Variants in RREB1 observed in about 807,000 individuals in gnomAD.
The protein encoded by RREB1 is ras responsive element binding protein 1, also known as ras-responsive element-binding protein 1.
RREB1 carries 27 observed loss-of-function variants against 117.8 expected under a neutral mutation model. The observed-to-expected ratio is 0.23, with a 90% confidence interval of 0.17 to 0.32. The LOEUF (loss-of-function observed/expected upper bound fraction) is 0.32. Among genes scored for constraint, RREB1 ranks in the 10% least tolerant of loss-of-function variants. The pLI, the probability that RREB1 is intolerant of heterozygous loss-of-function variation, is 1.00. For synonymous variants in RREB1, 1,298 were observed against 1,026.7 expected (o/e 1.26, Z -5.05); for missense variants, 2,577 against 2,378.2 (o/e 1.08, Z -1.74).
intron 1 of RREB1, among the ~76,000 whole-genome samples, chr6:7,109,135 C>T (rs979242561): frequency 6.6e-6 from 1 of 151,774 alleles, no homozygotes. Flanking sequence ...GGAGCGCGCT[C>T]GGAAACTTTT....
chr6:7,135,353 T>G (rs1762309894), intron 1 of RREB1, among the ~76,000 whole-genome samples: 1 of 152,230 alleles, frequency 6.6e-6, no homozygotes, highest in Non-Finnish European at 1.5e-5. Flanking sequence ...ATTAGGACCG[T>G]AAATCCAGGG....
At chr6:7,151,759 CTTG>C (rs148207966) in intron 1 of RREB1, among the ~76,000 whole-genome samples, 56 of 152,302 alleles carry the variant, frequency 3.7e-4, no homozygotes, top group Non-Finnish European at 6.2e-4. Context: ...CAGAGATCAT[CTTG>C]TTAAGTTCTC....
intron 1 of RREB1, among the ~76,000 whole-genome samples, chr6:7,166,857 A>T (rs936971455): frequency 6.6e-6 from 1 of 152,170 alleles, no homozygotes; most frequent in African/African-American, 2.4e-5. Flanking sequence ...TTCCCTGAGC[A>T]TGTCAGAAAG....
At chr6:7,129,770 C>CCTGGG (rs1490173750) in intron 1 of RREB1, among the ~76,000 whole-genome samples, 7 of 152,228 alleles carry the variant, frequency 4.6e-5, no homozygotes. Flanking sequence ...CAGCAGGGAA[C>CCTGGG]CTGGGTTCCA....
intron 5 of RREB1, among the ~76,000 whole-genome samples, chr6:7,188,314 G>A (rs1378071620): frequency 1.3e-5 from 2 of 151,726 alleles, no homozygotes; most frequent in Non-Finnish European, 2.9e-5. Context: ...ACAGTGGTGC[G>A]ATCTCAGCTC....
At chr6:7,211,463 C>G in intron 7 of RREB1, 110 bp from the exon 8 acceptor site, 1 of 985,108 alleles carries the variant, frequency 1.0e-6, no homozygotes, top group African/African-American at 1.6e-5. Flanking sequence ...TTGGATAATG[C>G]AACCCTTGCC....
In RREB1 at chr6:7,246,455, C is replaced by G. The variant is rs1178170826; in HGVS notation, c.4005C>G (p.Ala1335=). ...AGTCGGATGCGGAGACTGCAGCCGC[C>G]GCGGGCGAAGTGCTAGACCTCACCT... is the stretch of plus-strand genomic sequence containing the variant. ...DSQSDAETAA[A]AGEVLDLTSR... is the part of the protein sequence containing the mutation. The change falls in exon 12 of 13, where the codon GCC becomes GCG. Residue 1335 remains alanine (A), a synonymous_variant. Transcript: ENST00000379938. 4 of 1,508,418 alleles carry G rather than the reference C, an allele frequency of 2.7e-6. No individual in the cohort carries two copies. Among genetic ancestry groups the G allele is most frequent in the Non-Finnish European group, 3.6e-6 (4 of 1,124,208 alleles). The allele number at this position is 1,508,418 out of a possible 1,614,324, so 93.4% of individuals were successfully genotyped here.
At chr6:7,144,940 G>A (rs12110937) in intron 1 of RREB1, among the ~76,000 whole-genome samples, 5,953 of 152,218 alleles carry the variant, frequency 0.039, 357 homozygotes, top group African/African-American at 0.13. Context: ...GAAGGCCCTG[G>A]GTTACATCTG....
At chr6:7,188,254 C>CGTGT (rs1351252288) in intron 5 of RREB1, among the ~76,000 whole-genome samples, 1 of 141,398 alleles carries the variant, frequency 7.1e-6, no homozygotes, top group Non-Finnish European at 1.6e-5. Flanking sequence ...TGTGTGTGTG[C>CGTGT]GCGCGCGCAC....
chr6:7,236,670 G>A (rs1768338228), intron 10 of RREB1, among the ~76,000 whole-genome samples: 1 of 151,688 alleles, frequency 6.6e-6, no homozygotes, highest in Admixed American at 6.6e-5. Context: ...TTCTATGCTA[G>A]TTAGACCCCA....
rs890150347 is a variant in RREB1 at position 7,250,462 on chromosome 6, A to G, written c.*1494A>G. ...CCTGTGCAGGCAATAGACTTCCCTCACTGTCTCCGCCTGCAGGGAGGAGAA... is the reference window on the plus strand; with the variant it reads ...CCTGTGCAGGCAATAGACTTCCCTCGCTGTCTCCGCCTGCAGGGAGGAGAA... On this transcript the variant is annotated 3_prime_UTR_variant, in exon 13 of 13. Coordinates refer to ENST00000379938, the MANE Select transcript of RREB1 (RefSeq NM_001003699.4). 3 of 151,930 alleles carry G rather than the reference A, an allele frequency of 2.0e-5. No homozygotes were observed. Among genetic ancestry groups the G allele is most frequent in the Admixed American group, 1.3e-4 (2 of 15,276 alleles). 9.4% of individuals were successfully genotyped at this position (151,930 alleles called of 1,614,324 possible).
At chr6:7,179,948 G>A (rs969337808) in intron 2 of RREB1, among the ~76,000 whole-genome samples, 3 of 152,044 alleles carry the variant, frequency 2.0e-5, no homozygotes, top group Admixed American at 6.5e-5. Context: ...AACTGTGCCC[G>A]GTGTGAAGCA....
Position 7,196,236 on chromosome 6 carries a change from T to TG in RREB1, c.425+6914_425+6915insG, listed in dbSNP as rs1203975238. Among the ~76,000 whole-genome samples the TG allele has an allele frequency of 1.2e-4, 18 of 149,388 alleles. 1 individual carries two copies. Among genetic ancestry groups the TG allele is most frequent in the African/African-American group, 3.4e-4 (14 of 40,770 alleles). ...TTTTTTCGTTTTTTTTTTTTGTTTT[T>TG]TTTTTTTTTTGCTGAAACACTCGGC... On this transcript the variant is annotated intron_variant, in intron 6 of 12. Transcript: ENST00000379938.
chr6:7,136,189 CTGATT>C (rs1762344678), intron 1 of RREB1, among the ~76,000 whole-genome samples: 1 of 152,170 alleles, frequency 6.6e-6, no homozygotes, highest in South Asian at 2.1e-4. Context: ...TTTTACAATT[CTGATT>C]TGAGTAGAAG....
At chr6:7,127,247 C>A (rs528521640) in intron 1 of RREB1, among the ~76,000 whole-genome samples, 1 of 151,850 alleles carries the variant, frequency 6.6e-6, no homozygotes. Context: ...GTGAGCAGCT[C>A]TGTGGTTCAG....
At position 7,175,442 on chromosome 6, in the gene RREB1, G is replaced by C. The variant is rs550636668; in HGVS notation, c.-284-1213G>C. Among the ~76,000 whole-genome samples the C allele has an allele frequency of 2.6e-5, 4 of 152,316 alleles. No homozygotes were observed. The South Asian group carries it at 8.3e-4, about 32-fold the overall frequency. On this transcript the variant is annotated intron_variant, in intron 1 of 12. Transcript: ENST00000379938. The stretch of plus-strand genomic sequence containing the variant: ...TGTGGCACAGGGTCCGTCCCTGTGG[G>C]TTAGTCCTGAGGTTCATGGTGACAG...
rs1186279619 is a variant in RREB1 at position 7,245,381 on chromosome 6, C to T, written c.3974-1043C>T. On this transcript the variant is annotated intron_variant, in intron 11 of 12. Transcript: ENST00000379938. Reference sequence around the variant, plus strand: ...TTGCACTCCAGCCTGGGCGACAAGGCGAAACTCCGTCTTGAAAAAATAATA... The same window carrying T: ...TTGCACTCCAGCCTGGGCGACAAGGTGAAACTCCGTCTTGAAAAAATAATA... Among the ~76,000 whole-genome samples, 9 of 152,146 alleles carry T rather than the reference C, an allele frequency of 5.9e-5. No homozygotes were observed. The South Asian group carries it at 6.2e-4, about 11-fold the overall frequency.
chr6:7,225,173 G>C (rs1277071394), intron 8 of RREB1, among the ~76,000 whole-genome samples: 1 of 152,186 alleles, frequency 6.6e-6, no homozygotes, highest in Non-Finnish European at 1.5e-5. Flanking sequence ...AAGTGGCTTT[G>C]CCTGGCTAAA....
chr6:7,245,563 G>A (rs767211858), intron 11 of RREB1, among the ~76,000 whole-genome samples: 4 of 152,164 alleles, frequency 2.6e-5, no homozygotes, highest in East Asian at 3.8e-4. Context: ...TATTGCAGCC[G>A]TGCCATCCCT....
Sources: allele counts gnomAD v4.1 joint callset (sites outside exome capture counted in the v4.1 genomes callset), GRCh38; gene constraint gnomAD v4.1.1; transcripts MANE v1.5; gene names NCBI Gene and HGNC (gene_info 2026-07-23, HGNC 2026-07-21).